Variants in EAF2 observed in about 807,000 individuals in gnomAD.
EAF2 encodes ELL associated factor 2, also known as ELL-associated factor 2.
Under a neutral mutation model 29.4 loss-of-function variants are expected in EAF2, and 29 were observed. The ratio of observed to expected loss-of-function variants is 0.99; its 90% CI spans 0.73 to 1.35. EAF2 has a LOEUF of 1.35. EAF2 is among the 40% of genes most tolerant of loss of function. The pLI is 0.00. For missense variants in EAF2, 292 were observed against 312.0 expected, an observed-to-expected ratio of 0.94 and a Z score of 0.48; for synonymous variants, 103 against 102.5, an observed-to-expected ratio of 1.00 and a Z score of -0.03.
At chr3:121,836,737 T>C in intron 1 of EAF2, 2 of 987,762 alleles carry the variant, frequency 2.0e-6, no homozygotes, top group South Asian at 9.4e-5. Context: ...CTTTATCTGG[T>C]TTTTCCATGC....
intron 1 of EAF2, 70 bp from the exon 2 acceptor site, chr3:121,844,383 A>T (rs1708485261): frequency 1.1e-6 from 1 of 941,804 alleles, no homozygotes; most frequent in Non-Finnish European, 1.7e-6. Context: ...TCATTCTGAA[A>T]CATGCTCATA....
At chr3:121,848,266 T>G (rs1309319189) in intron 2 of EAF2, among the ~76,000 whole-genome samples, 1 of 152,178 alleles carries the variant, frequency 6.6e-6, no homozygotes, top group Non-Finnish European at 1.5e-5. Flanking sequence ...CAGGCAGAGA[T>G]GTATGCAGAT....
At chr3:121,877,982 T>TA (rs969426458) in intron 5 of EAF2, among the ~76,000 whole-genome samples, 20 of 151,984 alleles carry the variant, frequency 1.3e-4, no homozygotes, top group African/African-American at 3.9e-4. Context: ...AAATGTTATT[T>TA]AAAAAAAATT....
At position 121,865,012 on chromosome 3, in the gene EAF2, C is replaced by T. The variant is rs1708899198; in HGVS notation, c.485-7525C>T. On this transcript the variant is annotated intron_variant, in intron 4 of 5. Coordinates refer to ENST00000273668, the MANE Select transcript of EAF2 (RefSeq NM_018456.6). ...AGCATTAAACTTTATATAGTATTCTCAACAATAATTTTACAGTACAAGTAG... is the reference window on the plus strand; with the variant it reads ...AGCATTAAACTTTATATAGTATTCTTAACAATAATTTTACAGTACAAGTAG... 2.0e-5 allele frequency among the ~76,000 whole-genome samples: 3 copies of T among 152,096 alleles called. No homozygotes were observed. The South Asian group carries it at 6.2e-4, about 31-fold the overall frequency.
intron 5 of EAF2, among the ~76,000 whole-genome samples, chr3:121,876,180 A>G (rs1407930756): frequency 2.0e-5 from 3 of 151,944 alleles, no homozygotes; most frequent in Admixed American, 6.6e-5. Context: ...ACAAACTACA[A>G]AAGAATAGTC....
chr3:121,886,473 AAT>A lies in EAF2; in HGVS notation c.*88_*89del. 2.9e-6 allele frequency: 2 copies of A among 697,482 alleles called. No homozygotes were observed. Among genetic ancestry groups the A allele is most frequent in the Non-Finnish European group, 4.3e-6 (2 of 467,072 alleles). The allele number at this position is 697,482 out of a possible 1,614,324, so 43.2% of individuals were successfully genotyped here. A position where few individuals can be genotyped will look rare whatever the true frequency, so the allele number is the denominator to read the frequency against. ...AATAAAAATTCCTAAGACTGAGGGAAATATGTCTTAACTTTTGATGATAAAAG... is the reference window on the plus strand; with the variant it reads ...AATAAAAATTCCTAAGACTGAGGGAAATGTCTTAACTTTTGATGATAAAAG... On this transcript the variant is annotated 3_prime_UTR_variant, in exon 6 of 6. Transcript: ENST00000273668.
chr3:121,879,610 T>G (rs1263094167), intron 5 of EAF2, among the ~76,000 whole-genome samples: 1 of 46,102 alleles, frequency 2.2e-5, no homozygotes, highest in Non-Finnish European at 6.0e-5. Context: ...TTTCTTTTCT[T>G]TCTTTCTTTC....
At chr3:121,854,548 C>A in intron 2 of EAF2, 139 bp from the exon 3 acceptor site, 1 of 582,760 alleles carries the variant, frequency 1.7e-6, no homozygotes, top group Non-Finnish European at 2.7e-6. Context: ...TCTTTGGATT[C>A]AGGGTAGTAA....
intron 3 of EAF2, among the ~76,000 whole-genome samples, chr3:121,856,767 C>T (rs566505923): frequency 2.0e-5 from 3 of 152,326 alleles, no homozygotes; most frequent in African/African-American, 7.2e-5. Flanking sequence ...AGGCATGAGG[C>T]GCCAAGCCTG....
chr3:121,854,300 A>G (rs889251084), intron 2 of EAF2, among the ~76,000 whole-genome samples: 2 of 137,872 alleles, frequency 1.5e-5, no homozygotes, highest in Admixed American at 7.6e-5. Context: ...CGGGCAACAG[A>G]GCAAGACTCT....
In EAF2 at chr3:121,835,279, A is replaced by G; in HGVS notation, c.-7A>G. On this transcript the variant is annotated 5_prime_UTR_variant, in exon 1 of 6. Transcript: ENST00000273668. ...GGCGGAGTTAAAGTCAAAGCAGGAG[A>G]GTAATTATGAATAGCGCAGCGGGAT... The G allele has an allele frequency of 6.2e-7, 1 of 1,613,828 alleles. No individual in the cohort carries two copies. The highest frequency in any genetic ancestry group is 8.5e-7 in the Non-Finnish European group (1 of 1,179,722).
chr3:121,870,101 A>T lies in EAF2; in HGVS notation c.485-2436A>T, dbSNP rs546088452. Among the ~76,000 whole-genome samples the T allele has an allele frequency of 3.3e-5, 5 of 152,076 alleles. 1 individual carries two copies. In the South Asian group the frequency reaches 1.0e-3, roughly 31 times the overall value. On this transcript the variant is annotated intron_variant, in intron 4 of 5. Transcript: ENST00000273668. ...AGACCAAGAAGTCTACCAAACATTT[A>T]AAGAGAATTAACACCAACATTACAC...
chr3:121,840,488 TA>T (rs1221757062), intron 1 of EAF2, among the ~76,000 whole-genome samples: 24 of 35,012 alleles, frequency 6.9e-4, no homozygotes, highest in South Asian at 1.9e-3. Context: ...AGACTTCGTC[TA>T]AAAAAAAAAA....
intron 5 of EAF2, among the ~76,000 whole-genome samples, chr3:121,880,928 A>G (rs867813598): frequency 2.6e-5 from 4 of 152,098 alleles, no homozygotes; most frequent in Admixed American, 6.6e-5. Context: ...AGGGTTTTTT[A>G]TCATAAAGCG....
intron 4 of EAF2, among the ~76,000 whole-genome samples, chr3:121,859,474 T>C (rs9831980): frequency 0.15 from 22,211 of 151,910 alleles, 2,010 homozygotes; most frequent in African/African-American, 0.25. Flanking sequence ...CTCTGTTTGT[T>C]TGTTATTGGT....
chr3:121,865,372 T>C (rs1266320698), intron 4 of EAF2, among the ~76,000 whole-genome samples: 1 of 152,254 alleles, frequency 6.6e-6, no homozygotes, highest in Non-Finnish European at 1.5e-5. Flanking sequence ...GAGATATTTG[T>C]ATAACATATT....
chr3:121,843,070 T>C (rs1007410114), intron 1 of EAF2, among the ~76,000 whole-genome samples: 1 of 152,224 alleles, frequency 6.6e-6, no homozygotes, highest in Non-Finnish European at 1.5e-5. Context: ...GAAGAATATA[T>C]TATAAAAATA....
Position 121,860,023 on chromosome 3 carries a change from G to C in EAF2, c.484+2867G>C, listed in dbSNP as rs543315815. Among the ~76,000 whole-genome samples, 29 of 152,236 alleles carry C rather than the reference G, an allele frequency of 1.9e-4. No individual in the cohort carries two copies. In the East Asian group the frequency reaches 1.9e-3, roughly 10 times the overall value. ...AGCCTTGTATCCCAAGGATGAAGCCGACTTGATCATGGTGGATAAGCTTTT... is the reference window on the plus strand; with the variant it reads ...AGCCTTGTATCCCAAGGATGAAGCCCACTTGATCATGGTGGATAAGCTTTT... On this transcript the variant is annotated intron_variant, in intron 4 of 5. Transcript: ENST00000273668.
chr3:121,840,417 G>A (rs1403092766), intron 1 of EAF2, among the ~76,000 whole-genome samples: 1 of 144,604 alleles, frequency 6.9e-6, no homozygotes, highest in Non-Finnish European at 1.5e-5. Context: ...CTTGAACCAG[G>A]GAGGCGGAGA....
Sources: gnomAD v4.1 joint callset for allele counts (sites outside exome capture counted in the v4.1 genomes callset) on GRCh38, gnomAD v4.1.1 for gene constraint, MANE v1.5 for transcripts, NCBI Gene and HGNC (gene_info 2026-07-23, HGNC 2026-07-21) for gene names.